EXOC4: variants seen among roughly 807,000 people sequenced by gnomAD.
EXOC4 encodes the protein SEC8-like 1.
A neutral mutation model predicts 107.2 loss-of-function variants in EXOC4; 71 were observed. The ratio of observed to expected loss-of-function variants is 0.66; its 90% CI spans 0.55 to 0.81. The LOEUF is 0.81. Among genes scored for constraint, EXOC4 ranks in the 30% least tolerant of loss-of-function variants. The probability of loss-of-function intolerance (pLI) is 0.00; values close to 1 mark genes in which losing one functional copy is unlikely to be tolerated. For missense variants in EXOC4, 1,108 were observed against 1,189.6 expected (o/e 0.93, Z 1.01); for synonymous variants, 456 against 441.2 (o/e 1.03, Z -0.42).
intron 11 of EXOC4, among the ~76,000 whole-genome samples, chr7:133,872,555 G>A (rs144166057): frequency 3.3e-5 from 5 of 152,246 alleles, no homozygotes; most frequent in Admixed American, 3.3e-4. Flanking sequence ...AAAATGGGCA[G>A]CAGGGACATT....
intron 13 of EXOC4, among the ~76,000 whole-genome samples, chr7:133,931,891 G>A (rs549047360): frequency 6.6e-6 from 1 of 152,198 alleles, no homozygotes; most frequent in Non-Finnish European, 1.5e-5. Context: ...CTAGACCTTT[G>A]CCTCTGCCAT....
chr7:133,592,624 C>T (rs1177211499), intron 9 of EXOC4, among the ~76,000 whole-genome samples: 2 of 151,736 alleles, frequency 1.3e-5, no homozygotes, highest in Non-Finnish European at 2.9e-5. Context: ...TTGTTTTTGA[C>T]GTGGAGTCTC....
At chr7:133,469,803 G>A (rs1301023291) in intron 7 of EXOC4, among the ~76,000 whole-genome samples, 1 of 152,082 alleles carries the variant, frequency 6.6e-6, no homozygotes, top group Non-Finnish European at 1.5e-5. Flanking sequence ...TCTCTCTCTG[G>A]CCAGCTAGTT....
intron 17 of EXOC4, among the ~76,000 whole-genome samples, chr7:134,054,916 A>G (rs189890821): frequency 1.4e-4 from 21 of 152,242 alleles, no homozygotes; most frequent in Middle Eastern, 3.4e-3. Flanking sequence ...TAGTTAGTCT[A>G]TTATTTTTCT....
At chr7:133,375,030 C>T in intron 7 of EXOC4, 28 bp downstream of exon 7, 1 of 1,592,470 alleles carries the variant, frequency 6.3e-7, no homozygotes, top group Non-Finnish European at 8.6e-7. Flanking sequence ...AGGGTGTCAT[C>T]TTGATTCAGA....
chr7:133,853,380 AC>A (rs1299064120), intron 11 of EXOC4, among the ~76,000 whole-genome samples: 3 of 148,750 alleles, frequency 2.0e-5, no homozygotes, highest in Non-Finnish European at 3.0e-5. Context: ...ACACACACAC[AC>A]ACACACACAC....
chr7:133,369,961 C>T (rs1002779912), intron 6 of EXOC4, among the ~76,000 whole-genome samples: 1 of 151,926 alleles, frequency 6.6e-6, no homozygotes, highest in African/African-American at 2.4e-5. Context: ...TGCACCATGA[C>T]GCCCAGCTAA....
chr7:133,482,264 T>C lies in EXOC4; in HGVS notation c.1417+2126T>C, dbSNP rs117856861. On this transcript the variant is annotated intron_variant, in intron 9 of 17. Transcript: ENST00000253861. ...AAAGAACAGAGTTCCTGTGTGCCCT[T>C]GTCCCCACACATGCCCACCTTCCTC... Among the ~76,000 whole-genome samples the C allele has an allele frequency of 6.6e-5, 10 of 152,272 alleles. No homozygotes were observed. In the East Asian group the frequency reaches 1.9e-3, roughly 29 times the overall value.
intron 10 of EXOC4, among the ~76,000 whole-genome samples, chr7:133,701,879 T>G (rs868473406): frequency 6.6e-6 from 1 of 152,132 alleles, no homozygotes; most frequent in South Asian, 2.1e-4. Flanking sequence ...TTGTGTGCAT[T>G]AAAGCATCAG....
Position 133,394,162 on chromosome 7 carries a change from G to A in EXOC4, c.1182+19160G>A, listed in dbSNP as rs186104545. On this transcript the variant is annotated intron_variant, in intron 7 of 17. Transcript: ENST00000253861. ...ATTATATAGCCAATGCTCGTGCATA[G>A]ATAATATCATTTCTATCATGGGTGT... 2.2e-3 allele frequency among the ~76,000 whole-genome samples: 330 copies of A among 152,322 alleles called. 1 individual carries two copies. The highest frequency in any genetic ancestry group is 0.01 in the Middle Eastern group (3 of 294).
At chr7:133,927,705 G>A (rs1334054424) in intron 13 of EXOC4, among the ~76,000 whole-genome samples, 1 of 152,146 alleles carries the variant, frequency 6.6e-6, no homozygotes, top group Non-Finnish European at 1.5e-5. Flanking sequence ...TATTAAATAA[G>A]TGCAAGAGTA....
chr7:134,043,384 T>A (rs1025210058), intron 17 of EXOC4, among the ~76,000 whole-genome samples: 36 of 152,338 alleles, frequency 2.4e-4, no homozygotes, highest in Middle Eastern at 3.4e-3. Flanking sequence ...CACTGCTGTT[T>A]TCCTGCTCAA....
chr7:133,490,740 C>G (rs1799356592), intron 9 of EXOC4, among the ~76,000 whole-genome samples: 1 of 152,036 alleles, frequency 6.6e-6, no homozygotes. Flanking sequence ...TTGATAAGAA[C>G]CAATGGTGTA....
intron 9 of EXOC4, among the ~76,000 whole-genome samples, chr7:133,570,702 T>A (rs1317808855): frequency 6.6e-6 from 1 of 152,208 alleles, no homozygotes; most frequent in East Asian, 1.9e-4. Flanking sequence ...CCAGGACTCT[T>A]ATCCACTCCT....
At chr7:133,722,316 A>G (rs1332437680) in intron 10 of EXOC4, among the ~76,000 whole-genome samples, 2 of 152,224 alleles carry the variant, frequency 1.3e-5, no homozygotes, top group Admixed American at 1.3e-4. Context: ...ACACATACTC[A>G]GCTACTTTAC....
intron 11 of EXOC4, among the ~76,000 whole-genome samples, chr7:133,830,726 A>G (rs1439978296): frequency 6.6e-6 from 1 of 152,218 alleles, no homozygotes; most frequent in Non-Finnish European, 1.5e-5. Context: ...TTACACCTAT[A>G]TTACTGTGGT....
chr7:133,566,708 A>G lies in EXOC4; in HGVS notation c.1418-63337A>G, dbSNP rs1800912850. On this transcript the variant is annotated intron_variant, in intron 9 of 17. Transcript: ENST00000253861. Reference sequence around the variant, plus strand: ...CTATTCTTGCTTTGTTGTTTGTTTTATCCTTAATGTCTAAAACAGTACCTT... The same window carrying G: ...CTATTCTTGCTTTGTTGTTTGTTTTGTCCTTAATGTCTAAAACAGTACCTT... Among the ~76,000 whole-genome samples, 3 of 152,160 alleles carry G rather than the reference A, an allele frequency of 2.0e-5. No individual in the cohort carries two copies. In the South Asian group the frequency reaches 6.2e-4, roughly 32 times the overall value.
chr7:133,950,639 A>G (rs1013187688), intron 14 of EXOC4, among the ~76,000 whole-genome samples: 4 of 152,380 alleles, frequency 2.6e-5, no homozygotes, highest in Admixed American at 2.6e-4. Flanking sequence ...TTCAATAGTG[A>G]TATCAGAATG....
intron 17 of EXOC4, among the ~76,000 whole-genome samples, chr7:134,053,233 A>G (rs10279148): frequency 0.69 from 103,494 of 149,008 alleles, 37,167 homozygotes; most frequent in African/African-American, 0.88. Context: ...GCGAAACTCC[A>G]TCTCAAAAAA....
Sources: allele counts gnomAD v4.1 joint callset (sites outside exome capture counted in the v4.1 genomes callset), GRCh38; gene constraint gnomAD v4.1.1; transcripts MANE v1.5; gene names NCBI Gene and HGNC (gene_info 2026-07-23, HGNC 2026-07-21).